RYR2: variants seen among roughly 807,000 people sequenced by gnomAD.
RYR2 encodes cardiac muscle ryanodine receptor-calcium release channel.
RYR2 carries 227 observed loss-of-function variants against 601.1 expected under a neutral mutation model. The ratio of observed to expected loss-of-function variants is 0.38; its 90% CI spans 0.34 to 0.42. The LOEUF is 0.42. Among genes scored for constraint, RYR2 ranks in the 10% least tolerant of loss-of-function variants. The pLI is 1.00. For synonymous variants in RYR2, 2,223 were observed against 2,175.1 expected (o/e 1.02, Z -0.61); for missense variants, 4,646 against 6,156.5 (o/e 0.75, Z 8.21).
chr1:237,822,323 C>T (rs1662602190), intron 101 of RYR2, among the ~76,000 whole-genome samples: 1 of 152,208 alleles, frequency 6.6e-6, no homozygotes, highest in South Asian at 2.1e-4. Flanking sequence ...AGACTAACAG[C>T]AGATCTCGCT....
chr1:237,805,572 C>CACTTTTTTTTTTTTTTTTTTTT (rs1660530603), intron 98 of RYR2, among the ~76,000 whole-genome samples: 2 of 99,030 alleles, frequency 2.0e-5, no homozygotes, highest in East Asian at 3.6e-4. Flanking sequence ...CAGAGCTAGA[C>CACTTTTTTTTTTTTTTTTTTTT]TCTGTCTCAA....
intron 48 of RYR2, among the ~76,000 whole-genome samples, chr1:237,647,684 A>G (rs574434346): frequency 1.8e-4 from 27 of 152,308 alleles, no homozygotes; most frequent in South Asian, 1.5e-3. Context: ...TTTCTGTGAT[A>G]GTATTTGTAG....
At chr1:237,651,993 C>T (rs574218359) in intron 51 of RYR2, among the ~76,000 whole-genome samples, 2 of 151,636 alleles carry the variant, frequency 1.3e-5, no homozygotes, top group South Asian at 4.2e-4. Context: ...GCCGAGATCG[C>T]ACCACTGACT....
chr1:237,805,442 G>C (rs549604770), intron 98 of RYR2, among the ~76,000 whole-genome samples: 1 of 151,932 alleles, frequency 6.6e-6, no homozygotes, highest in Non-Finnish European at 1.5e-5. Context: ...TTAGCCGGGC[G>C]TGGTGGCGGA....
At chr1:237,740,598 T>C (rs1363997008) in intron 79 of RYR2, among the ~76,000 whole-genome samples, 1 of 152,180 alleles carries the variant, frequency 6.6e-6, no homozygotes, top group East Asian at 1.9e-4. Context: ...CTGAATGTAT[T>C]CTTTATCTCA....
intron 5 of RYR2, among the ~76,000 whole-genome samples, chr1:237,366,606 A>C (rs1700213529): frequency 1.3e-5 from 2 of 151,830 alleles, no homozygotes; most frequent in Non-Finnish European, 2.9e-5. Context: ...GCCAAAAAAC[A>C]AAAAAAGCAA....
chr1:237,467,858 CT>C (rs199646421), intron 16 of RYR2, among the ~76,000 whole-genome samples: 51,454 of 123,242 alleles, frequency 0.42, 7,801 homozygotes, highest in East Asian at 0.52. Context: ...ATTTTCTCTG[CT>C]TTTTTTTTTT....
chr1:237,135,942 G>T (rs1050399274), intron 1 of RYR2, among the ~76,000 whole-genome samples: 2 of 152,186 alleles, frequency 1.3e-5, no homozygotes, highest in African/African-American at 4.8e-5. Context: ...GGGCCCCTGG[G>T]GAGTGCTGGA....
intron 1 of RYR2, among the ~76,000 whole-genome samples, chr1:237,254,444 G>A (rs1687756212): frequency 6.6e-6 from 1 of 152,126 alleles, no homozygotes; most frequent in African/African-American, 2.4e-5. Context: ...AGTCTTTTCA[G>A]TATCTCTCTT....
At chr1:237,460,072 A>G (rs1002548069) in intron 16 of RYR2, among the ~76,000 whole-genome samples, 1 of 152,120 alleles carries the variant, frequency 6.6e-6, no homozygotes, top group African/African-American at 2.4e-5. Flanking sequence ...CTCCAGAACC[A>G]GCTGCTTTAT....
At chr1:237,660,342 G>A (rs896514445) in intron 55 of RYR2, among the ~76,000 whole-genome samples, 2 of 150,828 alleles carry the variant, frequency 1.3e-5, no homozygotes, top group African/African-American at 2.4e-5. Context: ...ATATTTTTAA[G>A]TACTTTAAAA....
chr1:237,758,056 G>A (rs928554547), intron 82 of RYR2, among the ~76,000 whole-genome samples: 1 of 152,126 alleles, frequency 6.6e-6, no homozygotes, highest in Non-Finnish European at 1.5e-5. Context: ...CTCTCACCAT[G>A]CGTTTACCAA....
chr1:237,537,422 C>T (rs1400746851), intron 25 of RYR2, among the ~76,000 whole-genome samples: 1 of 152,168 alleles, frequency 6.6e-6, no homozygotes. Context: ...CTCCCGGGTT[C>T]AAGCAATTCT....
chr1:237,473,498 A>T (rs1355613717), intron 17 of RYR2, among the ~76,000 whole-genome samples: 1 of 96,234 alleles, frequency 1.0e-5, no homozygotes, highest in East Asian at 3.7e-4. Context: ...GTACTTATTA[A>T]ATTAGATCTG....
rs965905819 is a variant in RYR2 at position 237,492,437 on chromosome 1, A to C, written c.1827+513A>C. On this transcript the variant is annotated intron_variant, in intron 18 of 104. Coordinates refer to ENST00000366574, the MANE Select transcript of RYR2 (RefSeq NM_001035.3). ...ATATATGAAGAAAAGTTGGAAAATT[A>C]GTGGGAAACTACTGTAATGTTTAAA... is the stretch of plus-strand genomic sequence containing the variant. Among the ~76,000 whole-genome samples, 3 of 152,258 alleles carry C rather than the reference A, an allele frequency of 2.0e-5. No homozygotes were observed. In the South Asian group the frequency reaches 6.2e-4, roughly 31 times the overall value.
intron 48 of RYR2, among the ~76,000 whole-genome samples, chr1:237,644,716 A>C: frequency 6.6e-6 from 1 of 152,116 alleles, no homozygotes. Context: ...ATTTACATGA[A>C]AGACTTCTAA....
intron 6 of RYR2, 63 bp from the exon 7 acceptor site, chr1:237,374,654 C>A: frequency 7.2e-7 from 1 of 1,392,822 alleles, no homozygotes; most frequent in Non-Finnish European, 1.0e-6. Context: ...GCAACCTTGT[C>A]TCAAACACAA....
chr1:237,450,404 A>T (rs934084243), intron 14 of RYR2, among the ~76,000 whole-genome samples: 1 of 152,152 alleles, frequency 6.6e-6, no homozygotes, highest in Non-Finnish European at 1.5e-5. Flanking sequence ...TCTCCTAGGC[A>T]GTAAACTGAG....
At chr1:237,688,459 A>G (rs1686641138) in intron 63 of RYR2, among the ~76,000 whole-genome samples, 1 of 152,080 alleles carries the variant, frequency 6.6e-6, no homozygotes, top group African/African-American at 2.4e-5. Context: ...TAAGTTCTTC[A>G]CATTACACTT....
Sources: gnomAD v4.1 joint callset for allele counts (sites outside exome capture counted in the v4.1 genomes callset) on GRCh38, gnomAD v4.1.1 for gene constraint, MANE v1.5 for transcripts, NCBI Gene and HGNC (gene_info 2026-07-23, HGNC 2026-07-21) for gene names.